The following ASTN2 variants were observed in gnomAD, a reference collection of about 807,000 sequenced individuals.
The protein encoded by ASTN2 is astrotactin-2.
A neutral mutation model predicts 139.8 loss-of-function variants in ASTN2; 54 were observed. The ratio of observed to expected loss-of-function variants is 0.39; its 90% confidence interval spans 0.31 to 0.48. The LOEUF is 0.48. Among genes scored for constraint, ASTN2 ranks in the 20% least tolerant of loss-of-function variants. ASTN2 has a pLI of 0.95. For synonymous variants in ASTN2, 756 were observed against 719.5 expected, an observed-to-expected ratio of 1.05 and a Z score of -0.81; for missense variants, 1,565 against 1,725.1, an observed-to-expected ratio of 0.91 and a Z score of 1.64.
chr9:116,742,945 C>A (rs1829132663), intron 13 of ASTN2, among the ~76,000 whole-genome samples: 1 of 152,120 alleles, frequency 6.6e-6, no homozygotes, highest in African/African-American at 2.4e-5. Context: ...CACATTGCTT[C>A]TCTCAAAAAA....
At chr9:116,895,498 G>A (rs1018818661) in intron 10 of ASTN2, among the ~76,000 whole-genome samples, 7 of 152,190 alleles carry the variant, frequency 4.6e-5, no homozygotes, top group African/African-American at 1.7e-4. Flanking sequence ...GGAAGTGGAA[G>A]CGGTCATGGT....
At chr9:117,270,224 T>A (rs748671218) in intron 2 of ASTN2, among the ~76,000 whole-genome samples, 1 of 152,222 alleles carries the variant, frequency 6.6e-6, no homozygotes, top group Non-Finnish European at 1.5e-5. Flanking sequence ...TCTTTACAAA[T>A]GTTTAAATGT....
At chr9:116,516,087 T>G (rs1179134341) in intron 19 of ASTN2, among the ~76,000 whole-genome samples, 1 of 152,198 alleles carries the variant, frequency 6.6e-6, no homozygotes, top group Non-Finnish European at 1.5e-5. Context: ...TATTAAAATA[T>G]AAATACGATT....
intron 13 of ASTN2, among the ~76,000 whole-genome samples, chr9:116,775,608 A>AGACG (rs1830065043): frequency 2.9e-5 from 1 of 34,852 alleles, no homozygotes; most frequent in Non-Finnish European, 5.0e-5. Flanking sequence ...AGGGAGGGAA[A>AGACG]GAAGGAAGGA....
At chr9:117,114,725 A>T (rs1829335236) in intron 4 of ASTN2, among the ~76,000 whole-genome samples, 1 of 152,222 alleles carries the variant, frequency 6.6e-6, no homozygotes, top group Admixed American at 6.5e-5. Flanking sequence ...TGACTAAAAG[A>T]AAATGACAGA....
chr9:116,985,125 A>C (rs1440656888), intron 7 of ASTN2, among the ~76,000 whole-genome samples: 1 of 152,144 alleles, frequency 6.6e-6, no homozygotes, highest in East Asian at 1.9e-4. Context: ...CTATCTGTAC[A>C]GTGAGGAGGC....
chr9:116,727,363 CA>C (rs1244872142), intron 15 of ASTN2, among the ~76,000 whole-genome samples: 1 of 152,136 alleles, frequency 6.6e-6, no homozygotes, highest in Non-Finnish European at 1.5e-5. Flanking sequence ...TGTAAAAGAA[CA>C]AGCTTCTCTC....
chr9:117,267,243 G>A (rs1833957276), intron 2 of ASTN2, among the ~76,000 whole-genome samples: 1 of 152,196 alleles, frequency 6.6e-6, no homozygotes, highest in African/African-American at 2.4e-5. Context: ...ATTAAACAAA[G>A]AAAGGCTGAG....
chr9:117,278,541 A>G (rs1428712883), intron 2 of ASTN2, among the ~76,000 whole-genome samples: 2 of 152,188 alleles, frequency 1.3e-5, no homozygotes, highest in African/African-American at 2.4e-5. Flanking sequence ...CCCCCTCTTC[A>G]TTCAGGAGAG....
At chr9:116,957,117 A>G (rs965297419) in intron 10 of ASTN2, among the ~76,000 whole-genome samples, 7 of 151,550 alleles carry the variant, frequency 4.6e-5, no homozygotes, top group African/African-American at 1.5e-4. Context: ...CAAGGAACCC[A>G]GATAGTCAAA....
At chr9:117,206,934 G>A (rs1476083694) in intron 3 of ASTN2, among the ~76,000 whole-genome samples, 1 of 152,112 alleles carries the variant, frequency 6.6e-6, no homozygotes, top group East Asian at 1.9e-4. Flanking sequence ...CTGCCTAATA[G>A]TTCTACGCCC....
At chr9:116,900,062 C>G (rs1162575145) in intron 10 of ASTN2, among the ~76,000 whole-genome samples, 1 of 152,190 alleles carries the variant, frequency 6.6e-6, no homozygotes, top group Non-Finnish European at 1.5e-5. Context: ...AAAACCTTAG[C>G]CTCCAAATTT....
chr9:116,988,889 A>T (rs1836760532), intron 7 of ASTN2, among the ~76,000 whole-genome samples: 1 of 152,082 alleles, frequency 6.6e-6, no homozygotes, highest in Non-Finnish European at 1.5e-5. Flanking sequence ...AAGTCATCTC[A>T]TCTCTCTGAG....
chr9:116,464,167 ATGTCATAATGTATAGC>A (rs2118979640), intron 20 of ASTN2, among the ~76,000 whole-genome samples: 1 of 152,166 alleles, frequency 6.6e-6, no homozygotes, highest in South Asian at 2.1e-4. Flanking sequence ...ATTATGACAA[ATGTCATAATGTATAGC>A]TATATAAACA....
chr9:116,972,465 C>T (rs970213277), intron 10 of ASTN2, among the ~76,000 whole-genome samples: 1 of 152,038 alleles, frequency 6.6e-6, no homozygotes, highest in Admixed American at 6.6e-5. Flanking sequence ...GTAAGTCCTA[C>T]TTGTGGCACA....
At chr9:116,688,806 C>G (rs1860412549) in intron 16 of ASTN2, among the ~76,000 whole-genome samples, 1 of 151,948 alleles carries the variant, frequency 6.6e-6, no homozygotes, top group Admixed American at 6.6e-5. Flanking sequence ...TCCATTACAG[C>G]TTGAAGGGGC....
intron 1 of ASTN2, among the ~76,000 whole-genome samples, chr9:117,316,452 A>C (rs1456086790): frequency 1.3e-5 from 2 of 151,758 alleles, no homozygotes; most frequent in Admixed American, 6.6e-5. Flanking sequence ...TAGTTTCTTC[A>C]CTCTCTCCCT....
At chr9:117,020,545 G>T (rs1379443683) in intron 6 of ASTN2, among the ~76,000 whole-genome samples, 1 of 151,906 alleles carries the variant, frequency 6.6e-6, no homozygotes. Flanking sequence ...TTCCTTCCCT[G>T]GTCCCATCAC....
chr9:116,483,915 G>T (rs893032808), intron 20 of ASTN2, among the ~76,000 whole-genome samples: 6 of 152,202 alleles, frequency 3.9e-5, no homozygotes, highest in Non-Finnish European at 8.8e-5. Context: ...CCCCAGTGGA[G>T]AGACTAGTCC....
Sources: allele counts gnomAD v4.1 joint callset (sites outside exome capture counted in the v4.1 genomes callset), GRCh38; gene constraint gnomAD v4.1.1; transcripts MANE v1.5; gene names NCBI Gene and HGNC (gene_info 2026-07-23, HGNC 2026-07-21).